The following RABGAP1L variants were observed in gnomAD, a reference collection of about 807,000 sequenced individuals.
RABGAP1L encodes RAB GTPase activating protein 1 like.
RABGAP1L carries 63 observed loss-of-function variants against 137.7 expected under a neutral mutation model. The ratio of observed to expected loss-of-function variants is 0.46; its 90% CI spans 0.37 to 0.56. The LOEUF (loss-of-function observed/expected upper bound fraction) is 0.56. Ranked by LOEUF, RABGAP1L falls within the 20% of genes least tolerant of loss-of-function variation. RABGAP1L has a pLI of 0.00. For synonymous variants in RABGAP1L, 431 were observed against 433.7 expected, an observed-to-expected ratio of 0.99 and a Z score of 0.08; for missense variants, 1,095 against 1,244.0, an observed-to-expected ratio of 0.88 and a Z score of 1.80.
At chr1:174,905,856 A>G (rs1658980436) in intron 19 of RABGAP1L, among the ~76,000 whole-genome samples, 1 of 152,100 alleles carries the variant, frequency 6.6e-6, no homozygotes, top group African/African-American at 2.4e-5. Context: ...GTCTAAAAAA[A>G]GAAAAAGAAA....
intron 14 of RABGAP1L, among the ~76,000 whole-genome samples, chr1:174,652,649 T>C (rs1675624914): frequency 6.6e-6 from 1 of 152,216 alleles, no homozygotes. Context: ...GCAAGATTGC[T>C]TCCTGTTCCT....
At chr1:174,388,861 C>T (rs963817927) in intron 12 of RABGAP1L, among the ~76,000 whole-genome samples, 11 of 152,018 alleles carry the variant, frequency 7.2e-5, no homozygotes, top group Non-Finnish European at 1.6e-4. Context: ...ACCTTCAAAT[C>T]GGTCATTCTT....
At chr1:174,490,034 A>G (rs1660068727) in intron 13 of RABGAP1L, among the ~76,000 whole-genome samples, 1 of 152,030 alleles carries the variant, frequency 6.6e-6, no homozygotes, top group Admixed American at 6.5e-5. Flanking sequence ...GGTATTTTGA[A>G]TTCTCTGTCT....
At chr1:174,573,156 A>G (rs533307444) in intron 13 of RABGAP1L, among the ~76,000 whole-genome samples, 55 of 152,150 alleles carry the variant, frequency 3.6e-4, no homozygotes, top group African/African-American at 1.3e-3. Flanking sequence ...GTATATTTTT[A>G]AAATCATTGG....
chr1:174,231,088 A>T (rs188310567), intron 3 of RABGAP1L, 57 bp from the exon 4 acceptor site: 14,207 of 1,320,028 alleles, frequency 0.011, 107 homozygotes, highest in Non-Finnish European at 0.013. Context: ...TGGCAAGATT[A>T]TAATGATGGT....
chr1:174,775,936 TCA>T (rs1433300579), intron 18 of RABGAP1L, among the ~76,000 whole-genome samples: 1 of 152,186 alleles, frequency 6.6e-6, no homozygotes, highest in African/African-American at 2.4e-5. Context: ...GGGAAACATG[TCA>T]CAGTCAGTCC....
chr1:174,204,043 C>G (rs926602673), intron 1 of RABGAP1L, among the ~76,000 whole-genome samples: 1 of 152,024 alleles, frequency 6.6e-6, no homozygotes, highest in Non-Finnish European at 1.5e-5. Flanking sequence ...CCTCCACTTC[C>G]CAGGTTCAAG....
chr1:174,565,797 A>G (rs1667540340), intron 13 of RABGAP1L, among the ~76,000 whole-genome samples: 2 of 152,092 alleles, frequency 1.3e-5, no homozygotes, highest in South Asian at 2.1e-4. Context: ...ATAATTTCTC[A>G]TTCCTGATTA....
intron 17 of RABGAP1L, among the ~76,000 whole-genome samples, chr1:174,742,292 T>G (rs138493930): frequency 1.5e-5 from 1 of 66,304 alleles, no homozygotes; most frequent in South Asian, 3.4e-4. Flanking sequence ...CCAAGGCAGG[T>G]GGATCACTTG....
intron 11 of RABGAP1L, among the ~76,000 whole-genome samples, chr1:174,333,216 A>G (rs1257741983): frequency 1.3e-5 from 2 of 152,172 alleles, no homozygotes; most frequent in Non-Finnish European, 2.9e-5. Context: ...ACAGTGTTAC[A>G]GTTAGGTAAG....
At chr1:174,256,564 C>T (rs1234920858) in intron 7 of RABGAP1L, among the ~76,000 whole-genome samples, 1 of 152,084 alleles carries the variant, frequency 6.6e-6, no homozygotes, top group African/African-American at 2.4e-5. Context: ...GGGCAGATCA[C>T]GAGGTCAAGA....
At chr1:174,892,246 G>T (rs912855565) in intron 19 of RABGAP1L, among the ~76,000 whole-genome samples, 1 of 152,216 alleles carries the variant, frequency 6.6e-6, no homozygotes, top group African/African-American at 2.4e-5. Flanking sequence ...GCCGCCACCC[G>T]TGAGCGAACT....
At chr1:174,933,957 A>G (rs1664294341) in intron 19 of RABGAP1L, among the ~76,000 whole-genome samples, 2 of 152,256 alleles carry the variant, frequency 1.3e-5, no homozygotes, top group African/African-American at 4.8e-5. Context: ...TACTCGAATT[A>G]AACTGTGCTT....
intron 17 of RABGAP1L, among the ~76,000 whole-genome samples, chr1:174,735,434 T>TACA (rs1682850016): frequency 1.3e-5 from 2 of 151,532 alleles, no homozygotes; most frequent in Non-Finnish European, 2.9e-5. Flanking sequence ...TCGTGGTCTT[T>TACA]GCATTGCTGT....
rs143854247 is a variant in RABGAP1L at position 174,642,502 on chromosome 1, A to G, written c.1824+5014A>G. Among the ~76,000 whole-genome samples the G allele has an allele frequency of 1.7e-4, 26 of 152,234 alleles. 1 individual carries two copies. In the East Asian group the frequency reaches 4.8e-3, roughly 28 times the overall value. ...GGGGGTATTTGTGATTATGAGGATG[A>G]ATTATTTTTCACTTAGTTGATATTA... On this transcript the variant is annotated intron_variant, in intron 14 of 25. Transcript: ENST00000681986.
chr1:174,497,527 C>G (rs770992313), intron 13 of RABGAP1L, among the ~76,000 whole-genome samples: 1 of 152,158 alleles, frequency 6.6e-6, no homozygotes, highest in Non-Finnish European at 1.5e-5. Context: ...TCCTTCTCCC[C>G]CACTCCCTTG....
At chr1:174,292,575 T>C (rs1270146081) in intron 10 of RABGAP1L, among the ~76,000 whole-genome samples, 1 of 152,080 alleles carries the variant, frequency 6.6e-6, no homozygotes, top group African/African-American at 2.4e-5. Flanking sequence ...TTTTTTTTGC[T>C]ATTGACTTCT....
intron 19 of RABGAP1L, among the ~76,000 whole-genome samples, chr1:174,911,229 G>T (rs968792856): frequency 6.6e-6 from 1 of 151,946 alleles, no homozygotes; most frequent in Non-Finnish European, 1.5e-5. Flanking sequence ...CTTCCGTTTT[G>T]CAGGTTGTCT....
At chr1:174,322,311 A>T (rs1453223153) in intron 11 of RABGAP1L, among the ~76,000 whole-genome samples, 1 of 152,090 alleles carries the variant, frequency 6.6e-6, no homozygotes, top group Non-Finnish European at 1.5e-5. Flanking sequence ...CATTTATTTT[A>T]TGGTTTCTGC....
Sources: allele counts gnomAD v4.1 joint callset (sites outside exome capture counted in the v4.1 genomes callset), GRCh38; gene constraint gnomAD v4.1.1; transcripts MANE v1.5; gene names NCBI Gene and HGNC (gene_info 2026-07-23, HGNC 2026-07-21).